The following TMEM179B variants were observed in gnomAD, a reference collection of about 807,000 sequenced individuals.
TMEM179B encodes the protein transmembrane protein 179B.
A neutral mutation model predicts 18.0 loss-of-function variants in TMEM179B; 13 were observed. The observed-to-expected ratio is 0.72, with a 90% CI of 0.47 to 1.15. The LOEUF (loss-of-function observed/expected upper bound fraction) is 1.15, where lower values mean the gene tolerates loss of function less well. Ranked by LOEUF, TMEM179B falls within the 50% of genes most tolerant of loss-of-function variation. TMEM179B has a pLI of 0.00. For missense variants in TMEM179B, 320 were observed against 270.6 expected, an observed-to-expected ratio of 1.18 and a Z score of -1.28; for synonymous variants, 159 against 117.5, an observed-to-expected ratio of 1.35 and a Z score of -2.29.
intron 1 of TMEM179B, among the ~76,000 whole-genome samples, chr11:62,788,486 C>T (rs2084316876): frequency 6.6e-6 from 1 of 151,676 alleles, no homozygotes. Flanking sequence ...AGGCGGATCA[C>T]GAGGTCAGGA....
intron 3 of TMEM179B, 27 bp from the exon 4 acceptor site, chr11:62,789,574 C>A: frequency 6.5e-7 from 1 of 1,549,384 alleles, no homozygotes; most frequent in Non-Finnish European, 8.7e-7. Flanking sequence ...ATCACGCTTT[C>A]TCACAACTGT....
At position 62,789,440 on chromosome 11, in the gene TMEM179B, G is replaced by C. The variant is rs200272560; in HGVS notation, c.419+14G>C. ...CACTACAATTAGGTAATGGGAGAGG[G>C]AGGGAAGCCTGGCTGGGGCTGACTA... On this transcript the variant is annotated intron_variant, in intron 3 of 4. Coordinates refer to ENST00000333449, the MANE Select transcript of TMEM179B (RefSeq NM_199337.3). The C allele has an allele frequency of 5.6e-6, 9 of 1,613,680 alleles. No homozygotes were observed. The highest frequency in any genetic ancestry group is 7.6e-6 in the Non-Finnish European group (9 of 1,180,000).
rs1479370458 is a variant in TMEM179B, at chr11:62,789,938, T to C, written c.551T>C (p.Val184Ala). The change falls in exon 5 of 5, where the codon GTC becomes GCC. Residue 184 changes from valine to alanine, a missense_variant. By Grantham distance (64) the Val-to-Ala change is moderately conservative. Coordinates refer to ENST00000333449, the MANE Select transcript of TMEM179B (RefSeq NM_199337.3). Reference sequence around the variant, plus strand: ...TGGTGTGTGGTCTTGGTGCTCCAGGTCGTGCAGTGGAAGTCTGAAGCCACC... The same window carrying C: ...TGGTGTGTGGTCTTGGTGCTCCAGGCCGTGCAGTGGAAGTCTGAAGCCACC... The part of the protein sequence containing the change: ...VLWCVVLVLQ[V>A]VQWKSEATPY... 1 of 1,614,106 alleles carries C rather than the reference T, an allele frequency of 6.2e-7. No individual in the cohort carries two copies. Among genetic ancestry groups the C allele is most frequent in the East Asian group, 2.2e-5 (1 of 44,880 alleles).
rs917573603 is a variant in TMEM179B at position 62,789,994 on chromosome 11, G to A, written c.607G>A (p.Glu203Lys). 3 of 1,614,028 alleles carry A rather than the reference G, an allele frequency of 1.9e-6. No homozygotes were observed. The highest frequency in any genetic ancestry group is 2.5e-6 in the Non-Finnish European group (3 of 1,180,016). Reference sequence around the variant, plus strand: ...CCGGCCTCTGGAGAGGGGTGACCCTGAGTGGAGCTCTGAGACAGATGCTCT... The same window carrying A: ...CCGGCCTCTGGAGAGGGGTGACCCTAAGTGGAGCTCTGAGACAGATGCTCT... ...PYRPLERGDP[E>K]WSSETDALVG... Residue 203 changes from glutamate (E) to lysine (K), a missense_variant, in exon 5 of 5, where the codon GAG becomes AAG. Physicochemically the swap from Glu to Lys is moderately conservative, Grantham distance 56. Transcript: ENST00000333449.
Position 62,790,156 on chromosome 11 carries a change from G to T in TMEM179B, c.*109G>T. 1 of 1,284,378 alleles carries T rather than the reference G, an allele frequency of 7.8e-7. No homozygotes were observed. Among genetic ancestry groups the T allele is most frequent in the South Asian group, 1.6e-5 (1 of 62,898 alleles). The allele number at this position is 1,284,378 out of a possible 1,614,324, so 79.6% of individuals were successfully genotyped here. A position where few individuals can be genotyped will look rare whatever the true frequency, so the allele number is the denominator to read the frequency against. On this transcript the variant is annotated 3_prime_UTR_variant, in exon 5 of 5. Transcript: ENST00000333449. The stretch of plus-strand genomic sequence containing the variant: ...GGAGTCTTAGTTTTCCTTTCGTTGG[G>T]GGGTGGGGGGGAAACATAATGACAG...
rs748282015 is a variant in TMEM179B, at chr11:62,789,230, G to A, written c.284+20G>A. ...CCACAGGTGACTGCCTAACCCTGAG[G>A]GCCAGGGGCTGAGGTAGGATGAGCC... On this transcript the variant is annotated intron_variant, in intron 2 of 4. Coordinates refer to ENST00000333449, the MANE Select transcript of TMEM179B (RefSeq NM_199337.3). The A allele has an allele frequency of 1.9e-6, 3 of 1,613,762 alleles. No individual in the cohort carries two copies. Among genetic ancestry groups the A allele is most frequent in the South Asian group, 2.2e-5 (2 of 91,084 alleles).
intron 1 of TMEM179B, among the ~76,000 whole-genome samples, chr11:62,788,604 T>TGAGGCAGGAGAATGGCATGAACCCAG (rs2084319024): frequency 6.8e-6 from 1 of 147,046 alleles, no homozygotes; most frequent in Non-Finnish European, 1.5e-5. Flanking sequence ...CTCAGGAGGC[T>TGAGGCAGGAGAATGGCATGAACCCAG]GAGGCAGGAG....
rs185694537 is a variant in TMEM179B, at chr11:62,788,519, A to T, written c.97-504A>T. Among the ~76,000 whole-genome samples, 9 of 152,144 alleles carry T rather than the reference A, an allele frequency of 5.9e-5. No individual in the cohort carries two copies. In the East Asian group the frequency reaches 1.7e-3, roughly 29 times the overall value. On this transcript the variant is annotated intron_variant, in intron 1 of 4. Coordinates refer to ENST00000333449, the MANE Select transcript of TMEM179B (RefSeq NM_199337.3). ...GGAGATCAAGACCATCCTGGCCAAC[A>T]CGGTGAAACCCTGTCTCTACTAAAA...
Position 62,787,410 on chromosome 11 carries a change from G to T in TMEM179B, c.-22G>T. The T allele has an allele frequency of 6.4e-7, 1 of 1,555,238 alleles. No homozygotes were observed. Among genetic ancestry groups the T allele is most frequent in the South Asian group, 1.2e-5 (1 of 86,426 alleles). On this transcript the variant is annotated 5_prime_UTR_variant, in exon 1 of 5. Transcript: ENST00000333449. ...TTGGGCGGGGTGCTGCTGCAGCGGC[G>T]CTTCCTGGTGGTCAGGGCGCCATGG...
chr11:62,787,650 C>G, intron 1 of TMEM179B, 123 bp downstream of exon 1: 1 of 1,258,116 alleles, frequency 7.9e-7, no homozygotes, highest in Non-Finnish European at 1.1e-6. Context: ...TGAGGCACGG[C>G]TGGCGCCGGC....
chr11:62,787,735 C>T, intron 1 of TMEM179B: 2 of 689,840 alleles, frequency 2.9e-6, no homozygotes, highest in Admixed American at 2.6e-5. Flanking sequence ...AAGTTGTCCC[C>T]TCGCCAAAGG....
In TMEM179B at chr11:62,789,909, A is replaced by G; in HGVS notation, c.522A>G (p.Val174=). Residue 174 remains valine, a synonymous_variant, in exon 5 of 5, where the codon GTA becomes GTG. Transcript: ENST00000333449. ...AGACCTCTTCTTGGGTGAATTTGGT[A>G]TTGTGGTGTGTGGTCTTGGTGCTCC... The part of the protein sequence containing the change: ...NAETSSWVNL[V]LWCVVLVLQV... The G allele has an allele frequency of 6.2e-7, 1 of 1,613,876 alleles. No individual in the cohort carries two copies. The highest frequency in any genetic ancestry group is 8.5e-7 in the Non-Finnish European group (1 of 1,179,924).
Position 62,789,125 on chromosome 11 carries a change from G to C in TMEM179B, c.199G>C (p.Ala67Pro), listed in dbSNP as rs573014329. The change falls in exon 2 of 5, where the codon GCT becomes CCT. Residue 67 changes from alanine to proline, a missense_variant. By Grantham distance (27) the Ala-to-Pro change is conservative (BLOSUM62 -1). Coordinates refer to ENST00000333449, the MANE Select transcript of TMEM179B (RefSeq NM_199337.3). ...AGCACCATCCCTGTGCTACTTTGTAGCTGGGGCCTCTGGCCTCTTGGCCCT... is the reference window on the plus strand; with the variant it reads ...AGCACCATCCCTGTGCTACTTTGTACCTGGGGCCTCTGGCCTCTTGGCCCT... ...PSAPSLCYFVAGASGLLALYC... is the reference protein window; with the variant it reads ...PSAPSLCYFVPGASGLLALYC... The C allele has an allele frequency of 2.5e-6, 4 of 1,614,184 alleles. No individual in the cohort carries two copies. The highest frequency in any genetic ancestry group is 3.4e-6 in the Non-Finnish European group (4 of 1,180,034).
At chr11:62,787,571 G>A (rs765313560) in intron 1 of TMEM179B, 44 bp downstream of exon 1, 1 of 1,492,608 alleles carries the variant, frequency 6.7e-7, no homozygotes. Context: ...GAGCTGGCCG[G>A]TCTGGACATG....
intron 4 of TMEM179B, 90 bp from the exon 5 acceptor site, chr11:62,789,796 A>C: frequency 6.5e-7 from 1 of 1,539,604 alleles, no homozygotes; most frequent in South Asian, 1.3e-5. Flanking sequence ...TTGTCAGCTT[A>C]AAATTCAGCA....
chr11:62,789,732 G>A (rs2084335885), intron 4 of TMEM179B, 53 bp downstream of exon 4: 4 of 1,514,432 alleles, frequency 2.6e-6, no homozygotes, highest in Non-Finnish European at 3.5e-6. Flanking sequence ...TAGCTGTGTG[G>A]GTGCTCACCA....
chr11:62,789,467 C>G (rs1328715112), intron 3 of TMEM179B, 41 bp downstream of exon 3: 1 of 1,612,990 alleles, frequency 6.2e-7, no homozygotes, highest in South Asian at 1.1e-5. Context: ...GGCTGACTAC[C>G]TTCCCTCTGC....
Position 62,790,229 on chromosome 11 carries a change from A to G in TMEM179B, c.*182A>G, listed in dbSNP as rs1202661763. ...AGCTGTTTTTGTACCAAAATATTAT[A>G]TTACTGTCTTCATCTTAGTAGTGAG... On this transcript the variant is annotated 3_prime_UTR_variant, in exon 5 of 5. Coordinates refer to ENST00000333449, the MANE Select transcript of TMEM179B (RefSeq NM_199337.3). 1.5e-6 allele frequency: 1 copy of G among 667,070 alleles called. No homozygotes were observed. Among genetic ancestry groups the G allele is most frequent in the Non-Finnish European group, 2.4e-6 (1 of 411,918 alleles). The allele number at this position is 667,070 out of a possible 1,614,324, so 41.3% of individuals were successfully genotyped here.
rs202247077 is a variant in TMEM179B at position 62,789,917 on chromosome 11, G to A, written c.530G>A (p.Cys177Tyr). 28 of 1,614,014 alleles carry A rather than the reference G, an allele frequency of 1.7e-5. No homozygotes were observed. The highest frequency in any genetic ancestry group is 2.3e-5 in the Non-Finnish European group (27 of 1,180,012). Residue 177 changes from cysteine (C) to tyrosine (Y), a missense_variant, in exon 5 of 5, where the codon TGT becomes TAT. Physicochemically the swap from Cys to Tyr is radical, Grantham distance 194. Coordinates refer to ENST00000333449, the MANE Select transcript of TMEM179B (RefSeq NM_199337.3). ...TCTTGGGTGAATTTGGTATTGTGGTGTGTGGTCTTGGTGCTCCAGGTCGTG... is the reference window on the plus strand; with the variant it reads ...TCTTGGGTGAATTTGGTATTGTGGTATGTGGTCTTGGTGCTCCAGGTCGTG... ...TSSWVNLVLWCVVLVLQVVQW... is the reference protein window; with the variant it reads ...TSSWVNLVLWYVVLVLQVVQW...
Sources: allele counts gnomAD v4.1 joint callset (sites outside exome capture counted in the v4.1 genomes callset), GRCh38; gene constraint gnomAD v4.1.1; transcripts MANE v1.5; gene names NCBI Gene and HGNC (gene_info 2026-07-23, HGNC 2026-07-21).